SYCP2: variants seen among roughly 807,000 people sequenced by gnomAD.
SYCP2 encodes synaptonemal complex protein 2, also known as synaptonemal complex lateral element protein.
SYCP2 carries 55 observed loss-of-function variants against 211.3 expected under a neutral mutation model. The ratio of observed to expected loss-of-function variants is 0.26; its 90% CI spans 0.21 to 0.33. The LOEUF is 0.33. Ranked by LOEUF, SYCP2 falls within the 10% of genes least tolerant of loss-of-function variation. The pLI is 1.00. For synonymous variants in SYCP2, 570 were observed against 555.2 expected (o/e 1.03, Z -0.37); for missense variants, 1,731 against 1,752.0 (o/e 0.99, Z 0.21).
chr20:59,882,176 G>T lies in SYCP2; in HGVS notation c.2530-11C>A. ...TTTCTGAACTTTTTCCTGAAAAGAG[G>T]GTTATAAAAAAATCATTAAATGGCT... On this transcript the variant is annotated splice_polypyrimidine_tract_variant and intron_variant, in intron 26 of 44. Coordinates refer to ENST00000357552, the MANE Select transcript of SYCP2 (RefSeq NM_014258.4). The T allele has an allele frequency of 6.3e-7, 1 of 1,598,486 alleles. No homozygotes were observed. Among genetic ancestry groups the T allele is most frequent in the South Asian group, 1.1e-5 (1 of 89,940 alleles).
intron 30 of SYCP2, 79 bp downstream of exon 30, chr20:59,880,887 C>T: frequency 1.4e-6 from 1 of 703,154 alleles, no homozygotes; most frequent in Non-Finnish European, 2.2e-6. Flanking sequence ...TTTTTGTTTT[C>T]TTGTTTTTGA....
intron 2 of SYCP2, among the ~76,000 whole-genome samples, chr20:59,931,694 C>A (rs1045383024): frequency 3.9e-5 from 6 of 152,110 alleles, no homozygotes; most frequent in Non-Finnish European, 8.8e-5. Context: ...GCCAAAGAGG[C>A]ACATAAAGCT....
chr20:59,889,645 T>C (rs1276579360), intron 24 of SYCP2, among the ~76,000 whole-genome samples: 1 of 152,024 alleles, frequency 6.6e-6, no homozygotes, highest in East Asian at 1.9e-4. Context: ...TACTAAGTTA[T>C]TAATGTCCCC....
intron 7 of SYCP2, among the ~76,000 whole-genome samples, chr20:59,917,177 T>A (rs2060459101): frequency 6.6e-6 from 1 of 152,192 alleles, no homozygotes; most frequent in Non-Finnish European, 1.5e-5. Flanking sequence ...ATTGAAAACT[T>A]CAATTCTAAG....
chr20:59,909,983 A>T (rs1223724817), intron 14 of SYCP2, among the ~76,000 whole-genome samples: 2 of 152,244 alleles, frequency 1.3e-5, no homozygotes, highest in Non-Finnish European at 2.9e-5. Flanking sequence ...GTCTATGCAG[A>T]AGAACTAAGA....
chr20:59,886,639 T>C (rs2059794211), intron 25 of SYCP2, 68 bp downstream of exon 25: 1 of 1,199,196 alleles, frequency 8.3e-7, no homozygotes, highest in African/African-American at 1.6e-5. Context: ...AAAATTAACC[T>C]TTTTAAAATT....
chr20:59,915,408 T>G, intron 9 of SYCP2, 57 bp downstream of exon 9: 1 of 1,244,062 alleles, frequency 8.0e-7, no homozygotes, highest in South Asian at 1.3e-5. Flanking sequence ...GTTGTCTGTC[T>G]TATAAAACAT....
chr20:59,883,288 G>T (rs1012713848), intron 26 of SYCP2, among the ~76,000 whole-genome samples: 1 of 152,126 alleles, frequency 6.6e-6, no homozygotes, highest in East Asian at 1.9e-4. Flanking sequence ...GGCGGAGGTT[G>T]CAGTGAGCCA....
chr20:59,896,488 A>G lies in SYCP2; in HGVS notation c.1445T>C (p.Met482Thr). 1 of 1,611,098 alleles carries G rather than the reference A, an allele frequency of 6.2e-7. No individual in the cohort carries two copies. Among genetic ancestry groups the G allele is most frequent in the Non-Finnish European group, 8.5e-7 (1 of 1,178,116 alleles). Residue 482 changes from methionine (M) to threonine (T), a missense_variant, in exon 19 of 45, where the codon ATG becomes ACG. Around this residue, in one of 3 missense-constraint regions of SYCP2, gnomAD observed 1,387 missense variants for 1,351.3 expected, o/e 1.03. Transcript: ENST00000357552. ...PSKRKMSEASMIVSGADRYTM... is the reference protein window; with the variant it reads ...PSKRKMSEASTIVSGADRYTM... Reference sequence around the variant, plus strand: ...GTATCTATCTGCACCAGAAACAATCATTGATGCTTCAGACATTTTTCTTTT... The same window carrying G: ...GTATCTATCTGCACCAGAAACAATCGTTGATGCTTCAGACATTTTTCTTTT...
At chr20:59,933,274 T>G (rs141967199) in intron 1 of SYCP2, 1 of 151,414 alleles carries the variant, frequency 6.6e-6, no homozygotes, top group Non-Finnish European at 1.5e-5. Context: ...CGAGCGCCCA[T>G]TTCCCATCCC....
At chr20:59,883,803 T>C (rs1263742263) in intron 26 of SYCP2, among the ~76,000 whole-genome samples, 1 of 152,086 alleles carries the variant, frequency 6.6e-6, no homozygotes, top group Non-Finnish European at 1.5e-5. Context: ...ATTAATAGTA[T>C]TGTATAGTAC....
intron 15 of SYCP2, among the ~76,000 whole-genome samples, chr20:59,906,850 A>G (rs1268175129): frequency 6.6e-6 from 1 of 152,192 alleles, no homozygotes; most frequent in Non-Finnish European, 1.5e-5. Flanking sequence ...TTTAAAATAT[A>G]TACTTTACAA....
rs1330264212 is a variant in SYCP2, at chr20:59,868,896, C to G, written c.3771G>C (p.Lys1257Asn). 6.2e-7 allele frequency: 1 copy of G among 1,609,056 alleles called. No individual in the cohort carries two copies. The highest frequency in any genetic ancestry group is 2.2e-5 in the East Asian group (1 of 44,684). Residue 1257 changes from lysine (K) to asparagine (N), a missense_variant, in exon 37 of 45, where the codon AAG becomes AAC. Transcript: ENST00000357552. The part of the protein sequence containing the change: ...EESHLASSLS[K>N]SSEGREKTWF... The stretch of plus-strand genomic sequence containing the variant: ...ACGTTTTCTCTCTTCCTTCACTAGA[C>G]TTGGATAATGAAGATGCTAAATGAC...
chr20:59,891,720 A>G (rs1984774923), intron 24 of SYCP2, among the ~76,000 whole-genome samples: 1 of 151,954 alleles, frequency 6.6e-6, no homozygotes, highest in Admixed American at 6.6e-5. Flanking sequence ...AGTCAAAAGG[A>G]AAGAGTGGGA....
intron 18 of SYCP2, among the ~76,000 whole-genome samples, chr20:59,899,490 G>C (rs984275446): frequency 2.0e-5 from 3 of 152,178 alleles, no homozygotes; most frequent in Non-Finnish European, 4.4e-5. Context: ...CTCTAAGAAA[G>C]AAGGCAACAA....
At chr20:59,873,706 CTT>C (rs1052433964) in intron 35 of SYCP2, 148 bp downstream of exon 35, 13 of 595,152 alleles carry the variant, frequency 2.2e-5, no homozygotes, top group Middle Eastern at 4.5e-4. Context: ...GTATCTCTCT[CTT>C]GTCATTATGT....
intron 24 of SYCP2, among the ~76,000 whole-genome samples, chr20:59,887,460 G>A (rs1395897642): frequency 6.6e-6 from 1 of 152,206 alleles, no homozygotes; most frequent in East Asian, 1.9e-4. Context: ...ATGAACATAC[G>A]TGTGCATGTG....
At chr20:59,905,167 T>C (rs1419699918) in intron 15 of SYCP2, among the ~76,000 whole-genome samples, 1 of 152,154 alleles carries the variant, frequency 6.6e-6, no homozygotes, top group African/African-American at 2.4e-5. Context: ...AGTGAAAATA[T>C]AAAACGGTAA....
chr20:59,921,234 T>C, intron 4 of SYCP2, 76 bp downstream of exon 4: 1 of 1,292,702 alleles, frequency 7.7e-7, no homozygotes, highest in Non-Finnish European at 1.1e-6. Flanking sequence ...CATTTTTTTC[T>C]AATGGAGTAC....
Sources: allele counts gnomAD v4.1 joint callset (sites outside exome capture counted in the v4.1 genomes callset), GRCh38; gene constraint gnomAD v4.1.1; regional missense constraint gnomAD v4.1.1; transcripts MANE v1.5; gene names NCBI Gene and HGNC (gene_info 2026-07-23, HGNC 2026-07-21).